Variants in THBS4 observed in about 807,000 individuals in gnomAD.
THBS4 encodes thrombospondin-4.
In THBS4, 90 loss-of-function variants were observed where a neutral mutation model predicts 115.7. The observed-to-expected ratio is 0.78, with a 90% CI of 0.66 to 0.93. The LOEUF is 0.93. Among genes scored for constraint, THBS4 ranks in the 40% least tolerant of loss-of-function variants. The probability of loss-of-function intolerance (pLI) is 0.00; values close to 1 mark genes in which losing one functional copy is unlikely to be tolerated. For synonymous variants in THBS4, 460 were observed against 479.3 expected (o/e 0.96, Z 0.53); for missense variants, 1,087 against 1,232.7 (o/e 0.88, Z 1.77).
At chr5:80,054,717 G>A (rs898533670) in intron 2 of THBS4, among the ~76,000 whole-genome samples, 11 of 151,692 alleles carry the variant, frequency 7.3e-5, no homozygotes, top group African/African-American at 2.2e-4. Flanking sequence ...CTCCCACCTC[G>A]GCCTCCCAAA....
At chr5:80,060,641 T>A (rs750768146) in intron 7 of THBS4, among the ~76,000 whole-genome samples, 1 of 152,096 alleles carries the variant, frequency 6.6e-6, no homozygotes, top group African/African-American at 2.4e-5. Context: ...GTGCCTGTGG[T>A]CCCAGCTACT....
At chr5:80,002,936 AC>A (rs780586830) in intron 2 of THBS4, among the ~76,000 whole-genome samples, 13 of 151,734 alleles carry the variant, frequency 8.6e-5, no homozygotes, top group East Asian at 3.9e-4. Flanking sequence ...AAAAAAAAAA[AC>A]AAAAACATGT....
intron 2 of THBS4, among the ~76,000 whole-genome samples, chr5:80,026,552 TACA>T (rs1336702998): frequency 6.6e-6 from 1 of 152,242 alleles, no homozygotes; most frequent in East Asian, 1.9e-4. Context: ...TGGGCTCTGT[TACA>T]ACTACTCAAC....
intron 2 of THBS4, among the ~76,000 whole-genome samples, chr5:80,002,417 A>C (rs1394692317): frequency 6.6e-6 from 1 of 152,064 alleles, no homozygotes; most frequent in Non-Finnish European, 1.5e-5. Context: ...TCCTGCCCCT[A>C]ACCCATTAGC....
Position 80,083,089 on chromosome 5 carries a change from C to T in THBS4, c.2834C>T (p.Pro945Leu). The change falls in exon 22 of 22, where the codon CCT becomes CTT. Residue 945 changes from proline to leucine, a missense_variant. By Grantham distance (98) the Pro-to-Leu change is moderately conservative (BLOSUM62 -3). This residue lies in a region of THBS4 where 103 missense variants were observed against 108.2 expected (regional missense o/e 0.95). Coordinates refer to ENST00000350881, the MANE Select transcript of THBS4 (RefSeq NM_003248.6). ...CCCATTCCTATTGCAGACACCATCC[C>T]TGAGGACTTCCAAGAGTTTCAAACC... is the stretch of plus-strand genomic sequence containing the variant. ...NLKYRCNDTIPEDFQEFQTQN... is the reference protein window; with the variant it reads ...NLKYRCNDTILEDFQEFQTQN... 2 of 1,614,116 alleles carry T rather than the reference C, an allele frequency of 1.2e-6. No individual in the cohort carries two copies. The highest frequency in any genetic ancestry group is 1.7e-6 in the Non-Finnish European group (2 of 1,179,916).
At chr5:80,021,466 T>C (rs1832373137) in intron 2 of THBS4, among the ~76,000 whole-genome samples, 1 of 152,014 alleles carries the variant, frequency 6.6e-6, no homozygotes, top group Non-Finnish European at 1.5e-5. Context: ...TACACACATA[T>C]GTATAGGCAT....
chr5:80,022,501 T>A (rs978515250), intron 2 of THBS4, among the ~76,000 whole-genome samples: 1 of 152,220 alleles, frequency 6.6e-6, no homozygotes, highest in African/African-American at 2.4e-5. Context: ...AAAAAAATTC[T>A]TTACCATAAT....
intron 12 of THBS4, 74 bp downstream of exon 12, chr5:80,070,824 T>G (rs1280580179): frequency 6.3e-7 from 1 of 1,577,438 alleles, no homozygotes; most frequent in Non-Finnish European, 8.7e-7. Flanking sequence ...TGATGTCAAC[T>G]ATGTATATGA....
At position 80,058,265 on chromosome 5, in the gene THBS4, G is replaced by T. The variant is rs1202542929; in HGVS notation, c.600G>T (p.Leu200=). The change falls in exon 4 of 22, where the codon CTG becomes CTT. Residue 200 remains leucine, a synonymous_variant. Coordinates refer to ENST00000350881, the MANE Select transcript of THBS4 (RefSeq NM_003248.6). ...VRGSLFQVAS[L]QDCFLQQSEP... is the part of the protein sequence containing the mutation. ...GCTCACTGTTCCAGGTGGCCAGCCTGCAAGACTGCTTCCTGCAGCAGAGTG... is the reference window on the plus strand; with the variant it reads ...GCTCACTGTTCCAGGTGGCCAGCCTTCAAGACTGCTTCCTGCAGCAGAGTG... The T allele has an allele frequency of 6.3e-7, 1 of 1,577,854 alleles. No individual in the cohort carries two copies. The highest frequency in any genetic ancestry group is 2.3e-5 in the East Asian group (1 of 43,344).
chr5:80,072,486 C>A, intron 14 of THBS4, 90 bp downstream of exon 14: 2 of 1,189,960 alleles, frequency 1.7e-6, no homozygotes, highest in South Asian at 1.3e-5. Context: ...AACAGCAGAG[C>A]CTCTTAGCTG....
intron 2 of THBS4, among the ~76,000 whole-genome samples, chr5:80,044,644 C>T (rs555103412): frequency 5.3e-5 from 8 of 152,080 alleles, no homozygotes; most frequent in African/African-American, 9.6e-5. Context: ...AGGCTGGTCT[C>T]GAACTCCTGG....
chr5:80,004,030 G>A (rs1287103267), intron 2 of THBS4, among the ~76,000 whole-genome samples: 1 of 152,232 alleles, frequency 6.6e-6, no homozygotes, highest in Non-Finnish European at 1.5e-5. Context: ...CAGGGCCAGA[G>A]AGGTGAATGA....
intron 2 of THBS4, among the ~76,000 whole-genome samples, chr5:80,027,345 A>G (rs1832497442): frequency 6.6e-6 from 1 of 152,140 alleles, no homozygotes; most frequent in Admixed American, 6.5e-5. Context: ...TCATGTAAAG[A>G]GACAGTGTTT....
At chr5:80,003,682 G>A (rs1378038204) in intron 2 of THBS4, among the ~76,000 whole-genome samples, 2 of 152,194 alleles carry the variant, frequency 1.3e-5, no homozygotes, top group African/African-American at 2.4e-5. Context: ...ACCTAAAGCA[G>A]CTCTAAACTA....
At chr5:80,035,024 A>T (rs2112013483), upstream of THBS4, among the ~76,000 whole-genome samples, 1 of 152,148 alleles carries the variant, frequency 6.6e-6, no homozygotes, top group African/African-American at 2.4e-5. The surrounding 1 kb of genome is among the most constrained non-coding windows in gnomAD (Gnocchi z 4.6). Flanking sequence ...GGTCAGTGTC[A>T]CTTTCTTCCT....
At chr5:79,997,357 T>C (rs1461441868) in intron 1 of THBS4, among the ~76,000 whole-genome samples, 3 of 151,918 alleles carry the variant, frequency 2.0e-5, no homozygotes, top group Admixed American at 2.0e-4. Flanking sequence ...CATGCAAACA[T>C]TGATCAGGAA....
intron 16 of THBS4, among the ~76,000 whole-genome samples, chr5:80,077,750 G>A (rs1743285352): frequency 1.3e-5 from 2 of 152,222 alleles, no homozygotes; most frequent in African/African-American, 2.4e-5. Context: ...ACCAGTTGGT[G>A]AACTCAACTG....
Position 80,079,121 on chromosome 5 carries a change from G to C in THBS4, c.2374G>C (p.Asp792His). 8.7e-6 allele frequency: 14 copies of C among 1,614,214 alleles called. No individual in the cohort carries two copies. Among genetic ancestry groups the C allele is most frequent in the African/African-American group, 1.3e-5 (1 of 75,054 alleles). The change falls in exon 19 of 22, where the codon GAT becomes CAT. Residue 792 changes from aspartate (D) to histidine (H), a missense_variant. Physicochemically the swap from Asp to His is moderately conservative, Grantham distance 81 (BLOSUM62 -1). Around this residue, in one of 3 missense-constraint regions of THBS4, gnomAD observed 979 missense variants for 1,103.7 expected, o/e 0.89. Transcript: ENST00000350881. The part of the protein sequence containing the change: ...EGTFHVNTQT[D>H]DDYAGFIFGY... ...GACCTTCCATGTGAATACCCAGACA[G>C]ATGATGACTATGCAGGCTTTATCTT...
At chr5:80,046,383 A>C (rs1441974918) in intron 2 of THBS4, among the ~76,000 whole-genome samples, 1 of 152,254 alleles carries the variant, frequency 6.6e-6, no homozygotes, top group East Asian at 1.9e-4. Context: ...TTCATTTAGA[A>C]ATCATGGAGA....
Sources: allele counts gnomAD v4.1 joint callset (sites outside exome capture counted in the v4.1 genomes callset), GRCh38; gene constraint gnomAD v4.1.1; regional missense constraint gnomAD v4.1.1; non-coding constraint Gnocchi (gnomAD v3.1); transcripts MANE v1.5; gene names NCBI Gene and HGNC (gene_info 2026-07-23, HGNC 2026-07-21).